Variants in FRMPD3 observed in about 807,000 individuals in gnomAD.
The protein encoded by FRMPD3 is FERM and PDZ domain-containing protein 3.
In FRMPD3, 42 loss-of-function variants were observed where a neutral mutation model predicts 97.9. The ratio of observed to expected loss-of-function variants is 0.43; its 90% confidence interval spans 0.34 to 0.55. FRMPD3 has a LOEUF of 0.55. Ranked by LOEUF, FRMPD3 falls within the 20% of genes least tolerant of loss-of-function variation. The pLI, the probability that FRMPD3 is intolerant of heterozygous loss-of-function variation, is 0.03. For missense variants in FRMPD3, 1,303 were observed against 1,457.7 expected, an observed-to-expected ratio of 0.89 and a Z score of 1.73; for synonymous variants, 577 against 581.1, an observed-to-expected ratio of 0.99 and a Z score of 0.10.
At chrX:107,536,728 A>T (rs183573539) in intron 4 of FRMPD3, among the ~76,000 whole-genome samples, 1 of 112,296 alleles carries the variant, frequency 8.9e-6, no homozygotes, top group East Asian at 2.8e-4. Flanking sequence ...TATTTAGCCT[A>T]TTAAAAAACT....
chrX:107,565,141 A>G, intron 12 of FRMPD3, 75 bp downstream of exon 12: 1 of 974,661 alleles, frequency 1.0e-6, no homozygotes, highest in Admixed American at 3.6e-5. Flanking sequence ...AACTTGAGAA[A>G]GAGAATTGGA....
chrX:107,560,973 G>A (rs757250918), intron 10 of FRMPD3, 120 bp downstream of exon 10: 2 of 785,529 alleles, frequency 2.5e-6, no homozygotes, highest in South Asian at 6.1e-5. Context: ...TTTGACTCAG[G>A]TGCACATACG....
chrX:107,542,299 G>A (rs1921347592), intron 4 of FRMPD3, among the ~76,000 whole-genome samples: 2 of 112,367 alleles, frequency 1.8e-5, no homozygotes, highest in South Asian at 7.4e-4. Context: ...TCCAGCTCTG[G>A]ATTTCATTGT....
intron 7 of FRMPD3, 123 bp downstream of exon 7, chrX:107,553,049 A>G (rs147546125): frequency 0.012 from 9,019 of 763,407 alleles, 62 homozygotes; most frequent in Non-Finnish European, 0.013. Flanking sequence ...CACAGTTCTC[A>G]CCCAAAGCTG....
chrX:107,539,137 C>T (rs1921166818), intron 4 of FRMPD3, among the ~76,000 whole-genome samples: 1 of 112,001 alleles, frequency 8.9e-6, no homozygotes, highest in African/African-American at 3.2e-5. Context: ...GGAGATGAGG[C>T]CCTGGTATTG....
At chrX:107,463,518 G>A (rs974649978) in intron 1 of FRMPD3, among the ~76,000 whole-genome samples, 1 of 112,374 alleles carries the variant, frequency 8.9e-6, no homozygotes, top group Non-Finnish European at 1.9e-5. Flanking sequence ...ACTCAGCACA[G>A]GGCTAAGTGC....
At chrX:107,495,073 A>G (rs1309286448) in intron 1 of FRMPD3, among the ~76,000 whole-genome samples, 3 of 112,570 alleles carry the variant, frequency 2.7e-5, no homozygotes, top group African/African-American at 9.7e-5. Flanking sequence ...CGCTACACAC[A>G]CAACCATTCA....
chrX:107,564,244 C>T (rs980954699), intron 11 of FRMPD3, among the ~76,000 whole-genome samples: 6 of 112,486 alleles, frequency 5.3e-5, no homozygotes, highest in Admixed American at 4.7e-4. Flanking sequence ...CTCCTTCATA[C>T]ACTGTCAAAT....
At chrX:107,505,440 G>A (rs1001279905) in intron 1 of FRMPD3, among the ~76,000 whole-genome samples, 1 of 112,182 alleles carries the variant, frequency 8.9e-6, no homozygotes, top group African/African-American at 3.2e-5. Context: ...TTCTAGCACA[G>A]TGCCTAGCGT....
At chrX:107,450,597 CACACAGAG>C (rs1432716139) in intron 1 of FRMPD3, among the ~76,000 whole-genome samples, 6 of 104,827 alleles carry the variant, frequency 5.7e-5, no homozygotes, top group South Asian at 4.3e-4. Context: ...CACACACACA[CACACAGAG>C]AGAGAGAGAG....
intron 1 of FRMPD3, among the ~76,000 whole-genome samples, chrX:107,514,060 C>T (rs1432715310): frequency 9.0e-6 from 1 of 111,471 alleles, no homozygotes. Flanking sequence ...TAAATTCAGC[C>T]ATATGAAGAA....
Position 107,552,931 on chromosome X carries a change from G to A in FRMPD3, c.642+5G>A. On this transcript the variant is annotated splice_donor_5th_base_variant and intron_variant, in intron 7 of 14. Transcript: ENST00000683843. Reference sequence around the variant, plus strand: ...GACAAGCAACCCCTGGCTTATGTAAGTAACTCTTTTTTACAGATAGCTTTG... The same window carrying A: ...GACAAGCAACCCCTGGCTTATGTAAATAACTCTTTTTTACAGATAGCTTTG... 8.3e-7 allele frequency: 1 copy of A among 1,204,273 alleles called. No homozygotes were observed. The highest frequency in any genetic ancestry group is 1.1e-6 in the Non-Finnish European group (1 of 892,183).
At chrX:107,511,238 A>G (rs943953615) in intron 1 of FRMPD3, among the ~76,000 whole-genome samples, 5 of 111,512 alleles carry the variant, frequency 4.5e-5, no homozygotes, top group Non-Finnish European at 7.5e-5. Flanking sequence ...ATCTTTCCCC[A>G]GCAACCCCCT....
intron 1 of FRMPD3, among the ~76,000 whole-genome samples, chrX:107,497,048 T>C: frequency 8.9e-6 from 1 of 111,969 alleles, no homozygotes; most frequent in Non-Finnish European, 1.9e-5. Flanking sequence ...GGCTACACAT[T>C]ATTAGACAGG....
chrX:107,529,078 C>T (rs1041383287), intron 2 of FRMPD3, among the ~76,000 whole-genome samples: 1 of 112,790 alleles, frequency 8.9e-6, no homozygotes, highest in Non-Finnish European at 1.9e-5. Context: ...TGGTTTGATA[C>T]TGGGTAATGT....
At position 107,498,788 on chromosome X, in the gene FRMPD3, G is replaced by A. The variant is rs563508262; in HGVS notation, c.-7-27794G>A. Among the ~76,000 whole-genome samples, 17 of 112,019 alleles carry A rather than the reference G, an allele frequency of 1.5e-4. No homozygotes were observed. The South Asian group carries it at 6.4e-3, about 42-fold the overall frequency. ...AGGCTGTCCAAAGGAGAAGGGGCATGCTGAAAGTGGGAAAAGGCTCTGCAA... is the reference window on the plus strand; with the variant it reads ...AGGCTGTCCAAAGGAGAAGGGGCATACTGAAAGTGGGAAAAGGCTCTGCAA... On this transcript the variant is annotated intron_variant, in intron 1 of 14. Transcript: ENST00000683843.
chrX:107,453,980 T>C (rs1332524870), intron 1 of FRMPD3, among the ~76,000 whole-genome samples: 1 of 111,839 alleles, frequency 8.9e-6, no homozygotes, highest in Non-Finnish European at 1.9e-5. Context: ...TGTCTATTTC[T>C]GTGTGTTTGT....
chrX:107,579,650 A>G (rs766946909), intron 13 of FRMPD3, among the ~76,000 whole-genome samples: 1 of 111,785 alleles, frequency 8.9e-6, no homozygotes, highest in African/African-American at 3.2e-5. Flanking sequence ...GGGCCCAGAA[A>G]GGCTTTGAGC....
intron 1 of FRMPD3, among the ~76,000 whole-genome samples, chrX:107,488,788 C>A (rs1278345325): frequency 1.8e-5 from 2 of 110,840 alleles, no homozygotes; most frequent in Admixed American, 9.6e-5. Context: ...AACAAACAAA[C>A]AAAAAAACAC....
Sources: allele counts gnomAD v4.1 joint callset (sites outside exome capture counted in the v4.1 genomes callset), GRCh38; gene constraint gnomAD v4.1.1; transcripts MANE v1.5; gene names NCBI Gene and HGNC (gene_info 2026-07-23, HGNC 2026-07-21).